Variants in ACBD6 observed in about 807,000 individuals in gnomAD.
ACBD6 encodes the protein acyl-CoA binding domain containing 6.
A neutral mutation model predicts 37.2 loss-of-function variants in ACBD6; 28 were observed. The observed-to-expected ratio is 0.75, with a 90% CI of 0.56 to 1.03. The LOEUF is 1.03. ACBD6 is among the 50% of genes least tolerant of loss of function. The pLI, the probability that ACBD6 is intolerant of heterozygous loss-of-function variation, is 0.00. For synonymous variants in ACBD6, 113 were observed against 126.8 expected, an observed-to-expected ratio of 0.89 and a Z score of 0.73; for missense variants, 340 against 337.4, an observed-to-expected ratio of 1.01 and a Z score of -0.06.
intron 6 of ACBD6, among the ~76,000 whole-genome samples, chr1:180,321,373 C>T (rs919870764): frequency 3.9e-5 from 6 of 152,082 alleles, no homozygotes; most frequent in Non-Finnish European, 8.8e-5. Context: ...TTATAGATTA[C>T]TTTGGGTAGT....
intron 7 of ACBD6, 132 bp from the exon 8 acceptor site, chr1:180,288,649 AT>A: frequency 9.0e-7 from 1 of 1,114,986 alleles, no homozygotes; most frequent in Non-Finnish European, 1.3e-6. Context: ...TGACTGAAGG[AT>A]GGTCAGGCCT....
At chr1:180,328,751 A>C (rs1286703441) in intron 6 of ACBD6, among the ~76,000 whole-genome samples, 1 of 152,128 alleles carries the variant, frequency 6.6e-6, no homozygotes, top group Non-Finnish European at 1.5e-5. Context: ...TAAGCCTGGA[A>C]TGTACTGTCT....
chr1:180,424,433 A>T (rs1395241163), intron 4 of ACBD6, among the ~76,000 whole-genome samples: 1 of 152,190 alleles, frequency 6.6e-6, no homozygotes, highest in African/African-American at 2.4e-5. Flanking sequence ...TCTAATAAAT[A>T]TTAATTAGAA....
At chr1:180,317,737 C>T (rs1231187148) in intron 6 of ACBD6, among the ~76,000 whole-genome samples, 1 of 152,146 alleles carries the variant, frequency 6.6e-6, no homozygotes, top group Non-Finnish European at 1.5e-5. Context: ...CAGCAAAATA[C>T]TCCCTAGACA....
At chr1:180,463,989 G>C (rs12135463) in intron 3 of ACBD6, among the ~76,000 whole-genome samples, 73,930 of 152,020 alleles carry the variant, frequency 0.49, 20,800 homozygotes, top group South Asian at 0.66. Flanking sequence ...AAAGGATTTC[G>C]ATAAAACTCA....
intron 6 of ACBD6, among the ~76,000 whole-genome samples, chr1:180,385,577 G>T (rs1035655858): frequency 2.6e-5 from 4 of 151,694 alleles, no homozygotes; most frequent in Admixed American, 6.6e-5. Context: ...GTCAAATTAG[G>T]TTATAAAGGT....
intron 6 of ACBD6, among the ~76,000 whole-genome samples, chr1:180,388,910 A>G (rs910786719): frequency 6.6e-6 from 1 of 152,254 alleles, no homozygotes; most frequent in African/African-American, 2.4e-5. Flanking sequence ...AAGAAATTAA[A>G]TAAGACCTAA....
Position 180,430,177 on chromosome 1 carries a change from T to C in ACBD6, c.467+3A>G, listed in dbSNP as rs768501075. 5 of 1,611,254 alleles carry C rather than the reference T, an allele frequency of 3.1e-6. No homozygotes were observed. The highest frequency in any genetic ancestry group is 1.7e-5 in the Admixed American group (1 of 60,004). On this transcript the variant is annotated splice_donor_region_variant and intron_variant, in intron 4 of 7. Coordinates refer to ENST00000367595, the MANE Select transcript of ACBD6 (RefSeq NM_032360.4). ...TATTATCAAAGATCAGAAGAGAAATTACCTGATGGTTTCTTCATGATATAG... is the reference window on the plus strand; with the variant it reads ...TATTATCAAAGATCAGAAGAGAAATCACCTGATGGTTTCTTCATGATATAG...
chr1:180,450,393 G>A (rs1274748904), intron 3 of ACBD6, among the ~76,000 whole-genome samples: 1 of 152,302 alleles, frequency 6.6e-6, no homozygotes, highest in East Asian at 1.9e-4. Context: ...TGGTGAAGAA[G>A]ATGAAGAACA....
rs765225207 is a variant in ACBD6 at position 180,413,265 on chromosome 1, T to C, written c.573+101A>G. The C allele has an allele frequency of 1.1e-4, 96 of 844,886 alleles. No homozygotes were observed. Among genetic ancestry groups the C allele is most frequent in the Non-Finnish European group, 2.0e-4 (96 of 489,304 alleles). 52.3% of individuals were successfully genotyped at this position (844,886 alleles called of 1,614,324 possible). ...TATTCTGATATACTCTTAACCATAC[T>C]GTACTTTGAGTTGTAGTTCATTGGC... On this transcript the variant is annotated intron_variant, in intron 5 of 7. Coordinates refer to ENST00000367595, the MANE Select transcript of ACBD6 (RefSeq NM_032360.4).
intron 5 of ACBD6, among the ~76,000 whole-genome samples, chr1:180,404,911 T>A (rs12081494): frequency 0.1 from 15,837 of 152,266 alleles, 1,181 homozygotes; most frequent in African/African-American, 0.2. Context: ...TGATTTTGTA[T>A]TAAATCTAAG....
intron 6 of ACBD6, among the ~76,000 whole-genome samples, chr1:180,378,704 A>G (rs1653530972): frequency 6.6e-6 from 1 of 152,198 alleles, no homozygotes; most frequent in South Asian, 2.1e-4. Flanking sequence ...AGCCCACTAC[A>G]AGTGGCACCT....
chr1:180,314,103 C>T (rs1417695056), intron 7 of ACBD6, among the ~76,000 whole-genome samples: 1 of 152,106 alleles, frequency 6.6e-6, no homozygotes, highest in African/African-American at 2.4e-5. Flanking sequence ...TAACATCTTT[C>T]TTGTCACTCA....
At chr1:180,345,013 C>T (rs1238110179) in intron 6 of ACBD6, among the ~76,000 whole-genome samples, 2 of 152,128 alleles carry the variant, frequency 1.3e-5, no homozygotes, top group Admixed American at 6.5e-5. Context: ...CTCTTCTTTA[C>T]CTCTGCATCA....
chr1:180,429,894 A>G (rs371973254), intron 4 of ACBD6, among the ~76,000 whole-genome samples: 12 of 152,162 alleles, frequency 7.9e-5, no homozygotes, highest in Admixed American at 1.3e-4. Flanking sequence ...CTAGACACCA[A>G]TGAAAAGTAA....
chr1:180,455,071 G>A (rs1046585863), intron 3 of ACBD6, among the ~76,000 whole-genome samples: 3 of 152,154 alleles, frequency 2.0e-5, no homozygotes, highest in Admixed American at 6.5e-5. Context: ...ACATGCACAC[G>A]TATGTTTACT....
chr1:180,332,074 G>A (rs1651507213), intron 6 of ACBD6, among the ~76,000 whole-genome samples: 1 of 152,164 alleles, frequency 6.6e-6, no homozygotes, highest in Non-Finnish European at 1.5e-5. Context: ...CACAAGGAAT[G>A]CCAAGAATTG....
At chr1:180,495,623 T>C in intron 1 of ACBD6, 98 bp from the exon 2 acceptor site, 1 of 926,316 alleles carries the variant, frequency 1.1e-6, no homozygotes, top group Non-Finnish European at 1.7e-6. Flanking sequence ...TAACCATAGG[T>C]TGGAAAATAT....
chr1:180,409,335 A>C (rs1198175514), intron 5 of ACBD6, among the ~76,000 whole-genome samples: 1 of 152,210 alleles, frequency 6.6e-6, no homozygotes, highest in Non-Finnish European at 1.5e-5. Flanking sequence ...AATCAAGGGA[A>C]GCAATCATGC....
Sources: gnomAD v4.1 joint callset for allele counts (sites outside exome capture counted in the v4.1 genomes callset) on GRCh38, gnomAD v4.1.1 for gene constraint, MANE v1.5 for transcripts, NCBI Gene and HGNC (gene_info 2026-07-23, HGNC 2026-07-21) for gene names.